The following MAN1A2 variants were observed in gnomAD, a reference collection of about 807,000 sequenced individuals.
The protein encoded by MAN1A2 is mannosidase alpha class 1A member 2, also known as mannosyl-oligosaccharide 1,2-alpha-mannosidase IB.
MAN1A2 carries 26 observed loss-of-function variants against 75.7 expected under a neutral mutation model. The observed-to-expected ratio is 0.34, with a 90% confidence interval of 0.25 to 0.48. MAN1A2 has a LOEUF of 0.48. Among genes scored for constraint, MAN1A2 ranks in the 20% least tolerant of loss-of-function variants. The pLI, the probability that MAN1A2 is intolerant of heterozygous loss-of-function variation, is 0.99. For missense variants in MAN1A2, 562 were observed against 775.5 expected, an observed-to-expected ratio of 0.72 and a Z score of 3.27; for synonymous variants, 247 against 264.6, an observed-to-expected ratio of 0.93 and a Z score of 0.65.
chr1:117,387,242 A>G (rs2101734432), intron 1 of MAN1A2, among the ~76,000 whole-genome samples: 1 of 151,346 alleles, frequency 6.6e-6, no homozygotes, highest in Non-Finnish European at 1.5e-5. Flanking sequence ...AAAACAAAGT[A>G]ACAGGTGTTG....
chr1:117,505,028 T>C (rs946627684), intron 12 of MAN1A2, among the ~76,000 whole-genome samples: 2 of 151,550 alleles, frequency 1.3e-5, no homozygotes, highest in Non-Finnish European at 3.0e-5. Flanking sequence ...AATTAATAAC[T>C]TATCTGTGGA....
intron 12 of MAN1A2, among the ~76,000 whole-genome samples, chr1:117,510,564 C>T (rs1239817937): frequency 4.6e-5 from 7 of 152,066 alleles, no homozygotes; most frequent in Non-Finnish European, 4.4e-5. Flanking sequence ...AGTGTTTGCT[C>T]ATCCTTTTAA....
At chr1:117,514,117 C>T (rs1419528769) in intron 12 of MAN1A2, among the ~76,000 whole-genome samples, 4 of 152,112 alleles carry the variant, frequency 2.6e-5, no homozygotes, top group African/African-American at 9.7e-5. Context: ...AATCCCAGCA[C>T]TTTGGGAGGC....
rs760026509 is a variant in MAN1A2, at chr1:117,460,628, T to C, written c.1074+16T>C. The C allele has an allele frequency of 1.2e-5, 19 of 1,592,596 alleles. 1 individual carries two copies. The Admixed American group carries it at 3.5e-4, about 29-fold the overall frequency. On this transcript the variant is annotated intron_variant, in intron 7 of 12. Coordinates refer to ENST00000356554, the MANE Select transcript of MAN1A2 (RefSeq NM_006699.5). ...CTACAAAAAGGTTTGTTTTCTTGCC[T>C]TCTATTCTTTGTTTGTTATAAAGAG...
chr1:117,501,329 G>C (rs1247284982), intron 11 of MAN1A2, among the ~76,000 whole-genome samples: 3 of 151,778 alleles, frequency 2.0e-5, no homozygotes, highest in Admixed American at 6.6e-5. Context: ...TGAGAAGAGG[G>C]AGGAATGGAG....
In MAN1A2 at chr1:117,485,974, A is replaced by G. The variant is rs561633560; in HGVS notation, c.1169-7173A>G. ...GAATTAGTGACAATTAGGTCTACTC[A>G]GTGGAGGAACACCTGCTATTCAGTA... is the stretch of plus-strand genomic sequence containing the variant. On this transcript the variant is annotated intron_variant, in intron 8 of 12. Transcript: ENST00000356554. Among the ~76,000 whole-genome samples the G allele has an allele frequency of 2.6e-5, 4 of 152,148 alleles. No individual in the cohort carries two copies. The South Asian group carries it at 8.3e-4, about 32-fold the overall frequency.
chr1:117,388,253 G>A (rs567595967), intron 1 of MAN1A2, among the ~76,000 whole-genome samples: 1 of 152,238 alleles, frequency 6.6e-6, no homozygotes, highest in Non-Finnish European at 1.5e-5. Flanking sequence ...GGATGGCAGA[G>A]ATTTGAGAAA....
intron 11 of MAN1A2, among the ~76,000 whole-genome samples, chr1:117,501,962 C>G (rs957119374): frequency 1.3e-5 from 2 of 151,792 alleles, no homozygotes; most frequent in African/African-American, 4.8e-5. Flanking sequence ...CTGGACTGTG[C>G]TGTACCTGCA....
chr1:117,488,403 C>T (rs559566070), intron 8 of MAN1A2, among the ~76,000 whole-genome samples: 60 of 151,986 alleles, frequency 3.9e-4, no homozygotes, highest in African/African-American at 1.2e-3. Flanking sequence ...ACCATGTTGG[C>T]CAGGCTGGTA....
chr1:117,500,899 A>G (rs1329994578), intron 11 of MAN1A2, among the ~76,000 whole-genome samples: 1 of 151,838 alleles, frequency 6.6e-6, no homozygotes, highest in Admixed American at 6.6e-5. Context: ...GCACTCTTTC[A>G]TGTAAGGGAA....
At position 117,466,354 on chromosome 1, in the gene MAN1A2, A is replaced by C; in HGVS notation, c.1095A>C (p.Leu365=). 1.2e-6 allele frequency: 2 copies of C among 1,610,244 alleles called. No homozygotes were observed. The highest frequency in any genetic ancestry group is 1.1e-5 in the South Asian group (1 of 90,788). Reference sequence around the variant, plus strand: ...CTCAGGTTATGCACATTCGGAAACTACTTCAGAAAATGGATCGTCCAAATG... The same window carrying C: ...CTCAGGTTATGCACATTCGGAAACTCCTTCAGAAAATGGATCGTCCAAATG... ...YYKKVMHIRK[L]LQKMDRPNGL... is the part of the protein sequence containing the mutation. The change falls in exon 8 of 13, where the codon CTA becomes CTC. Residue 365 remains leucine (L), a synonymous_variant. Coordinates refer to ENST00000356554, the MANE Select transcript of MAN1A2 (RefSeq NM_006699.5).
Position 117,525,345 on chromosome 1 carries a change from A to G in MAN1A2, c.*2388A>G, listed in dbSNP as rs1250730853. ...ATACCAAAGGCAATTAAAGTCAGCT[A>G]CAAATGACTTGCCAGTGTCATGTTT... On this transcript the variant is annotated 3_prime_UTR_variant, in exon 13 of 13. Coordinates refer to ENST00000356554, the MANE Select transcript of MAN1A2 (RefSeq NM_006699.5). 8.8e-6 allele frequency: 2 copies of G among 228,006 alleles called. No homozygotes were observed. The highest frequency in any genetic ancestry group is 1.8e-5 in the Non-Finnish European group (2 of 108,842). 14.1% of individuals were successfully genotyped at this position (228,006 alleles called of 1,614,324 possible). A position where few individuals can be genotyped will look rare whatever the true frequency, so the allele number is the denominator to read the frequency against.
At chr1:117,488,830 G>A (rs906492263) in intron 8 of MAN1A2, among the ~76,000 whole-genome samples, 4 of 151,972 alleles carry the variant, frequency 2.6e-5, no homozygotes, top group South Asian at 4.1e-4. Flanking sequence ...TTTCTACAAC[G>A]AAAGATGATT....
chr1:117,439,462 C>G (rs1266359363), intron 5 of MAN1A2, among the ~76,000 whole-genome samples: 1 of 151,878 alleles, frequency 6.6e-6, no homozygotes, highest in Non-Finnish European at 1.5e-5. Flanking sequence ...CCTCAAGAAA[C>G]TACAGTGGTT....
intron 10 of MAN1A2, among the ~76,000 whole-genome samples, chr1:117,498,522 G>A (rs1206688164): frequency 6.6e-6 from 1 of 151,838 alleles, no homozygotes; most frequent in Non-Finnish European, 1.5e-5. Context: ...GAAATTCATA[G>A]TGTACCAGAG....
At chr1:117,414,135 TG>T (rs1338964130) in intron 3 of MAN1A2, among the ~76,000 whole-genome samples, 1 of 151,928 alleles carries the variant, frequency 6.6e-6, no homozygotes, top group Non-Finnish European at 1.5e-5. Flanking sequence ...ACTCATATTT[TG>T]TTTGATGGTT....
chr1:117,481,246 A>C (rs745548870), intron 8 of MAN1A2, among the ~76,000 whole-genome samples: 1 of 151,522 alleles, frequency 6.6e-6, no homozygotes, highest in Non-Finnish European at 1.5e-5. Flanking sequence ...CTCTACTTCA[A>C]CTGTTTTTCA....
intron 3 of MAN1A2, among the ~76,000 whole-genome samples, chr1:117,409,212 G>A (rs1034471599): frequency 1.3e-5 from 2 of 151,986 alleles, no homozygotes; most frequent in African/African-American, 2.4e-5. Flanking sequence ...TGAAGTAGAA[G>A]CCTAGATTAT....
intron 3 of MAN1A2, among the ~76,000 whole-genome samples, chr1:117,412,838 A>G (rs1268693329): frequency 6.6e-6 from 1 of 151,872 alleles, no homozygotes; most frequent in Non-Finnish European, 1.5e-5. Flanking sequence ...ACCTAGTGCA[A>G]CTAACCAAGA....
Sources: allele counts gnomAD v4.1 joint callset (sites outside exome capture counted in the v4.1 genomes callset), GRCh38; gene constraint gnomAD v4.1.1; transcripts MANE v1.5; gene names NCBI Gene and HGNC (gene_info 2026-07-23, HGNC 2026-07-21).